The following USO1 variants were observed in gnomAD, a reference collection of about 807,000 sequenced individuals.
USO1 encodes general vesicular transport factor p115.
A neutral mutation model predicts 124.5 loss-of-function variants in USO1; 57 were observed. The observed-to-expected ratio is 0.46, with a 90% CI of 0.37 to 0.57. USO1 has a LOEUF of 0.57. Ranked by LOEUF, USO1 falls within the 20% of genes least tolerant of loss-of-function variation. The probability of loss-of-function intolerance (pLI) is 0.00; values close to 1 mark genes in which losing one functional copy is unlikely to be tolerated. For synonymous variants in USO1, 369 were observed against 362.8 expected, an observed-to-expected ratio of 1.02 and a Z score of -0.19; for missense variants, 900 against 1,040.6, an observed-to-expected ratio of 0.86 and a Z score of 1.86.
Position 75,761,127 on chromosome 4 carries a change from C to T in USO1, c.295+3554C>T, listed in dbSNP as rs115993900. Among the ~76,000 whole-genome samples the T allele has an allele frequency of 4.3e-3, 649 of 151,366 alleles. 8 individuals carry two copies. The highest frequency in any genetic ancestry group is 0.015 in the African/African-American group (622 of 41,200). Reference sequence around the variant, plus strand: ...GTGCCACTGCACGATCCAGCCTGGGCGACAGAGTGAGACTTGTCTCAAAAA... The same window carrying T: ...GTGCCACTGCACGATCCAGCCTGGGTGACAGAGTGAGACTTGTCTCAAAAA... On this transcript the variant is annotated intron_variant, in intron 4 of 23. Coordinates refer to ENST00000514213, the MANE Select transcript of USO1 (RefSeq NM_003715.4).
At chr4:75,759,773 G>A (rs1048246425) in intron 4 of USO1, among the ~76,000 whole-genome samples, 1 of 151,914 alleles carries the variant, frequency 6.6e-6, no homozygotes, top group African/African-American at 2.4e-5. Flanking sequence ...GCCAGCCATG[G>A]TGTTGCACAC....
In USO1 at chr4:75,752,545, C is replaced by T. The variant is rs1721321281; in HGVS notation, c.159C>T (p.Tyr53=). The T allele has an allele frequency of 1.3e-5, 5 of 398,366 alleles. No homozygotes were observed. Among genetic ancestry groups the T allele is most frequent in the Non-Finnish European group, 2.2e-5 (5 of 226,046 alleles). 24.7% of individuals were successfully genotyped at this position (398,366 alleles called of 1,614,324 possible). The change falls in exon 3 of 24, where the codon TAC becomes TAT. Residue 53 remains tyrosine (Y), a synonymous_variant. Transcript: ENST00000514213. The stretch of plus-strand genomic sequence containing the variant: ...TTTTTATTTTTTATGTGCAGAAATA[C>T]CGCTTGGAAGTGGGTATACAAGCTA... ...VRALKSLSKK[Y]RLEVGIQAME... is the part of the protein sequence containing the mutation.
At chr4:75,813,128 A>G in intron 23 of USO1, 78 bp from the exon 24 acceptor site, 2 of 1,394,858 alleles carry the variant, frequency 1.4e-6, no homozygotes, top group South Asian at 1.7e-5. Context: ...AAAAAAAATT[A>G]TCAGTAGTAT....
intron 1 of USO1, among the ~76,000 whole-genome samples, chr4:75,726,648 A>G (rs1720471826): frequency 6.6e-6 from 1 of 152,002 alleles, no homozygotes; most frequent in South Asian, 2.1e-4. Context: ...TGTTTCTTTC[A>G]TTTGAAAATC....
chr4:75,743,952 A>G (rs546883467), intron 1 of USO1, among the ~76,000 whole-genome samples: 3 of 152,064 alleles, frequency 2.0e-5, no homozygotes, highest in Admixed American at 1.3e-4. Context: ...AATTTTTTGT[A>G]TTTTTAGTAG....
At chr4:75,790,859 T>C in intron 12 of USO1, 62 bp downstream of exon 12, 2 of 1,451,386 alleles carry the variant, frequency 1.4e-6, no homozygotes, top group South Asian at 1.5e-5. Context: ...AAGCTTTTAA[T>C]TGATTCTTTC....
chr4:75,769,740 CTT>C (rs34266261), intron 4 of USO1, among the ~76,000 whole-genome samples: 10 of 139,980 alleles, frequency 7.1e-5, no homozygotes, highest in African/African-American at 8.0e-5. Flanking sequence ...TTTTAGTGAT[CTT>C]TTTTTTTTTT....
chr4:75,737,763 T>A (rs1183628118), intron 1 of USO1, among the ~76,000 whole-genome samples: 2 of 152,128 alleles, frequency 1.3e-5, no homozygotes, highest in Non-Finnish European at 2.9e-5. Flanking sequence ...AAAATTTATT[T>A]TAAATGCTGT....
intron 1 of USO1, among the ~76,000 whole-genome samples, chr4:75,738,471 A>G (rs1463977331): frequency 6.6e-6 from 1 of 151,850 alleles, no homozygotes; most frequent in East Asian, 2.0e-4. Context: ...AAAAAAAATT[A>G]AGTCTTTTTT....
chr4:75,757,584 A>G lies in USO1; in HGVS notation c.295+11A>G, dbSNP rs781493133. 8.1e-6 allele frequency: 12 copies of G among 1,480,768 alleles called. No individual in the cohort carries two copies. In the African/African-American group the frequency reaches 1.6e-4, roughly 20 times the overall value. 91.7% of individuals were successfully genotyped at this position (1,480,768 alleles called of 1,614,324 possible). On this transcript the variant is annotated intron_variant, in intron 4 of 23. Transcript: ENST00000514213. ...AAGAAGAAGAAGTAGGTAAGTTTCC[A>G]GTTATTTTTACTGTGTTTTCTGTAC...
chr4:75,781,911 A>T (rs1187077617), intron 8 of USO1, among the ~76,000 whole-genome samples: 1 of 152,208 alleles, frequency 6.6e-6, no homozygotes. Flanking sequence ...TGGTTAATCT[A>T]TTAGTACTTG....
rs1271043782 is a variant in USO1 at position 75,787,168 on chromosome 4, T to C, written c.962T>C (p.Met321Thr). ...GLLQQLCTIL[M>T]ATGVPADILT... ...TTGCAGCAGCTTTGTACTATCCTAA[T>C]GGCTACTGGGGTTCCTGCTGATATC... The change falls in exon 10 of 24, where the codon ATG becomes ACG. Residue 321 changes from methionine to threonine, a missense_variant. Transcript: ENST00000514213. The C allele has an allele frequency of 2.5e-6, 4 of 1,582,126 alleles. No homozygotes were observed. Among genetic ancestry groups the C allele is most frequent in the Admixed American group, 3.6e-5 (2 of 55,042 alleles).
chr4:75,745,921 CGAAA>C (rs991714205), intron 1 of USO1, among the ~76,000 whole-genome samples: 21 of 150,498 alleles, frequency 1.4e-4, no homozygotes, highest in Non-Finnish European at 2.8e-4. Context: ...AAAAAAAAAA[CGAAA>C]AAAACAGTTT....
chr4:75,774,077 C>A (rs1033287561), intron 7 of USO1, among the ~76,000 whole-genome samples: 4 of 151,922 alleles, frequency 2.6e-5, no homozygotes, highest in African/African-American at 9.7e-5. Flanking sequence ...TCCAGCTTAC[C>A]AGGAGCTGAG....
In USO1 at chr4:75,793,590, G is replaced by C. The variant is rs1162980337; in HGVS notation, c.1241-100G>C. On this transcript the variant is annotated intron_variant, in intron 12 of 23. Transcript: ENST00000514213. Reference sequence around the variant, plus strand: ...ACATGTTTAATGATTATATTTAATGGTATTTCACACTATTTTATGTGTACA... The same window carrying C: ...ACATGTTTAATGATTATATTTAATGCTATTTCACACTATTTTATGTGTACA... 5 of 1,391,254 alleles carry C rather than the reference G, an allele frequency of 3.6e-6. No individual in the cohort carries two copies. In the African/African-American group the frequency reaches 5.8e-5, roughly 16 times the overall value. 86.2% of individuals were successfully genotyped at this position (1,391,254 alleles called of 1,614,324 possible).
At chr4:75,808,126 G>A (rs1003100877) in intron 20 of USO1, among the ~76,000 whole-genome samples, 4 of 152,100 alleles carry the variant, frequency 2.6e-5, no homozygotes, top group African/African-American at 9.7e-5. Context: ...GGGGATATGG[G>A]GAGAAATCAC....
rs1409844301 is a variant in USO1 at position 75,774,606 on chromosome 4, AT to A, written c.556-65del. On this transcript the variant is annotated intron_variant, in intron 7 of 23. Transcript: ENST00000514213. Reference sequence around the variant, plus strand: ...TCTCTGCCAGTTCTAAAATTCTGTGATTTTTGAAGTAATTTAAAAATGTCTC... The same window carrying A: ...TCTCTGCCAGTTCTAAAATTCTGTGATTTTGAAGTAATTTAAAAATGTCTC... 2.0e-6 allele frequency: 3 copies of A among 1,515,658 alleles called. No homozygotes were observed. The East Asian group carries it at 7.0e-5, about 35-fold the overall frequency. 93.9% of individuals were successfully genotyped at this position (1,515,658 alleles called of 1,614,324 possible).
chr4:75,759,190 A>G (rs1257262799), intron 4 of USO1, among the ~76,000 whole-genome samples: 1 of 142,166 alleles, frequency 7.0e-6, no homozygotes, highest in Non-Finnish European at 1.5e-5. Flanking sequence ...TCTTTAATTT[A>G]GCATCCAAAA....
chr4:75,755,270 C>A (rs1303811563), intron 3 of USO1, among the ~76,000 whole-genome samples: 4 of 152,162 alleles, frequency 2.6e-5, no homozygotes, highest in African/African-American at 9.7e-5. Context: ...TTAGGCTTCA[C>A]TTTTTTGAAA....
Sources: gnomAD v4.1 joint callset for allele counts (sites outside exome capture counted in the v4.1 genomes callset) on GRCh38, gnomAD v4.1.1 for gene constraint, MANE v1.5 for transcripts, NCBI Gene and HGNC (gene_info 2026-07-23, HGNC 2026-07-21) for gene names.